The following DYNC1H1 variants were observed in gnomAD, a reference collection of about 807,000 sequenced individuals.
The protein encoded by DYNC1H1 is cytoplasmic dynein 1 heavy chain 1.
DYNC1H1 carries 51 observed loss-of-function variants against 527.1 expected under a neutral mutation model. That is an observed-to-expected ratio of 0.10 (90% confidence interval 0.08 to 0.12). The LOEUF is 0.12. Ranked by LOEUF, DYNC1H1 falls within the 10% of genes least tolerant of loss-of-function variation. DYNC1H1 has a pLI of 1.00. For missense variants in DYNC1H1, 2,771 were observed against 5,971.8 expected (o/e 0.46, Z 17.66); for synonymous variants, 2,189 against 2,278.8 (o/e 0.96, Z 1.12).
intron 34 of DYNC1H1, among the ~76,000 whole-genome samples, chr14:102,014,229 C>T (rs184417313): frequency 1.3e-5 from 2 of 152,256 alleles, no homozygotes; most frequent in East Asian, 1.9e-4. Flanking sequence ...AAGTCACCTG[C>T]GCCATCTTTA....
rs2047639538 is a variant in DYNC1H1, at chr14:101,964,596, G to C, written c.-96G>C. ...TCAGTCTGCGGTGGGCTAGCGGACG[G>C]TCCGGCTTCCGGCGGCCGTTTCTGT... On this transcript the variant is annotated 5_prime_UTR_variant, in exon 1 of 78. Transcript: ENST00000360184. The surrounding 1 kb of genome is among the most constrained non-coding windows in gnomAD (Gnocchi z 5.5). The C allele has an allele frequency of 9.2e-6, 14 of 1,528,392 alleles. No individual in the cohort carries two copies. Among genetic ancestry groups the C allele is most frequent in the Admixed American group, 2.0e-5 (1 of 50,920 alleles). The allele number at this position is 1,528,392 out of a possible 1,614,324, so 94.7% of individuals were successfully genotyped here. A position where few individuals can be genotyped will look rare whatever the true frequency, so the allele number is the denominator to read the frequency against.
chr14:101,987,272 C>T (rs1254550800), intron 8 of DYNC1H1, among the ~76,000 whole-genome samples, 181 bp from the exon 9 acceptor site: 1 of 152,194 alleles, frequency 6.6e-6, no homozygotes, highest in Non-Finnish European at 1.5e-5. Flanking sequence ...ATTTTCCTTT[C>T]CTCTGCAAGG....
In DYNC1H1 at chr14:102,044,354, C is replaced by T. The variant is rs780271275; in HGVS notation, c.12765C>T (p.Arg4255=). ...TGGCCCAGTCCATTTATGGCGGGCG[C>T]GTGGACAACGAGTTTGACCAGCGTC... ...TLMAQSIYGG[R]VDNEFDQRLL... is the part of the protein sequence containing the mutation. The change falls in exon 71 of 78, where the codon CGC becomes CGT. Residue 4255 remains arginine, a synonymous_variant. Transcript: ENST00000360184. This position sits in a 1 kb window ranked among gnomAD's most constrained non-coding sequence, Gnocchi z 7.1. 1.1e-5 allele frequency: 17 copies of T among 1,613,462 alleles called. No homozygotes were observed. In the Admixed American group the frequency reaches 2.5e-4, roughly 24 times the overall value.
At chr14:101,994,056 T>C in intron 11 of DYNC1H1, 128 bp from the exon 12 acceptor site, 1 of 1,331,522 alleles carries the variant, frequency 7.5e-7, no homozygotes, top group Non-Finnish European at 1.1e-6. Flanking sequence ...GGTAAGTGGA[T>C]GTTATCCCTT....
chr14:102,013,673 G>C (rs938797799), intron 34 of DYNC1H1, among the ~76,000 whole-genome samples: 1 of 152,168 alleles, frequency 6.6e-6, no homozygotes, highest in Non-Finnish European at 1.5e-5. Context: ...GGGCAAGCTG[G>C]GATCCATGGA....
Position 101,986,143 on chromosome 14 carries a change from G to T in DYNC1H1, c.1918G>T (p.Asp640Tyr). 6.2e-7 allele frequency: 1 copy of T among 1,614,190 alleles called. No homozygotes were observed. The highest frequency in any genetic ancestry group is 1.1e-5 in the South Asian group (1 of 91,056). ...SQACKMSHVR[D>Y]LPPVSGSIIW... is the part of the protein sequence containing the mutation. Reference sequence around the variant, plus strand: ...GGCTTGTAAGATGAGTCACGTTCGTGACTTGCCCCCTGTGTCAGGGTCTAT... The same window carrying T: ...GGCTTGTAAGATGAGTCACGTTCGTTACTTGCCCCCTGTGTCAGGGTCTAT... Residue 640 changes from aspartate (D) to tyrosine (Y), a missense_variant, in exon 8 of 78, where the codon GAC becomes TAC. Physicochemically the swap from Asp to Tyr is radical, Grantham distance 160. This residue lies in a region of DYNC1H1 where 264 missense variants were observed against 619.4 expected (regional missense o/e 0.43). Coordinates refer to ENST00000360184, the MANE Select transcript of DYNC1H1 (RefSeq NM_001376.5). The surrounding 1 kb of genome is among the most constrained non-coding windows in gnomAD (Gnocchi z 8.7).
intron 16 of DYNC1H1, among the ~76,000 whole-genome samples, chr14:101,998,341 G>A (rs901574106): frequency 2.0e-5 from 3 of 150,724 alleles, no homozygotes; most frequent in Non-Finnish European, 2.9e-5. Context: ...TAATACAAAC[G>A]CCTGGACCCC....
chr14:102,009,858 C>T lies in DYNC1H1; in HGVS notation c.5993C>T (p.Thr1998Ile). The change falls in exon 30 of 78, where the codon ACT (threonine) becomes ATT (isoleucine). Residue 1998 changes from threonine to isoleucine, a missense_variant. Around this residue, in one of 32 missense-constraint regions of DYNC1H1, gnomAD observed 39 missense variants for 38.8 expected, o/e 1.00. Coordinates refer to ENST00000360184, the MANE Select transcript of DYNC1H1 (RefSeq NM_001376.5). ...PNYDKTSAPI[T>I]CELLNKQVKV... Reference sequence around the variant, plus strand: ...TCATTCTCAGCCTCTGCCCCCATTACTTGTGAGCTGCTGAACAAACAAGTC... The same window carrying T: ...TCATTCTCAGCCTCTGCCCCCATTATTTGTGAGCTGCTGAACAAACAAGTC... The T allele has an allele frequency of 6.2e-7, 1 of 1,613,908 alleles. No homozygotes were observed. Among genetic ancestry groups the T allele is most frequent in the African/African-American group, 1.3e-5 (1 of 74,976 alleles).
Position 102,020,572 on chromosome 14 carries a change from C to T in DYNC1H1, c.8507+516C>T, listed in dbSNP as rs1421649335. On this transcript the variant is annotated intron_variant, in intron 42 of 77. Coordinates refer to ENST00000360184, the MANE Select transcript of DYNC1H1 (RefSeq NM_001376.5). The surrounding 1 kb of genome is among the most constrained non-coding windows in gnomAD (Gnocchi z 4.3). ...CATCAAAGGCTTTGCAGCTGCAGCT[C>T]TGGGGCACTGGTTTTCTCTTTTACC... Among the ~76,000 whole-genome samples the T allele has an allele frequency of 6.6e-6, 1 of 152,168 alleles. No homozygotes were observed. The highest frequency in any genetic ancestry group is 1.5e-5 in the Non-Finnish European group (1 of 68,042).
At chr14:102,031,277 A>G (rs1470628176) in intron 51 of DYNC1H1, among the ~76,000 whole-genome samples, 1 of 152,164 alleles carries the variant, frequency 6.6e-6, no homozygotes, top group African/African-American at 2.4e-5. Flanking sequence ...TCTGTCCCCC[A>G]GGCTGGAGTG....
chr14:102,040,486 A>G (rs2048635234), intron 63 of DYNC1H1, 76 bp downstream of exon 63: 1 of 1,612,976 alleles, frequency 6.2e-7, no homozygotes, highest in East Asian at 2.2e-5. Flanking sequence ...TGCATGTGGT[A>G]TAAAACCCAG....
At position 102,042,424 on chromosome 14, in the gene DYNC1H1, C is replaced by T; in HGVS notation, c.12316C>T (p.Leu4106=). 1 of 1,614,170 alleles carries T rather than the reference C, an allele frequency of 6.2e-7. No homozygotes were observed. The highest frequency in any genetic ancestry group is 8.5e-7 in the Non-Finnish European group (1 of 1,180,038). The change falls in exon 68 of 78, where the codon CTG becomes TTG. Residue 4106 remains leucine (L), a synonymous_variant. Transcript: ENST00000360184. The surrounding 1 kb of genome is among the most constrained non-coding windows in gnomAD (Gnocchi z 5.7). The part of the protein sequence containing the change: ...LKNVHLAPGW[L]MQLEKKLHSL... ...GAATGTGCATCTGGCCCCAGGGTGG[C>T]TGATGCAGCTGGAGAAGAAGTTGCA...
Position 101,979,605 on chromosome 14 carries a change from A to T in DYNC1H1, c.518+113A>T. On this transcript the variant is annotated intron_variant, in intron 3 of 77. Transcript: ENST00000360184. This position sits in a 1 kb window ranked among gnomAD's most constrained non-coding sequence, Gnocchi z 4.6. ...AACGCTAGTGAGCCGAGGGGATATA[A>T]ACCCTGTGTATTAATAAATATGTGT... 1 of 1,606,440 alleles carries T rather than the reference A, an allele frequency of 6.2e-7. No homozygotes were observed. The highest frequency in any genetic ancestry group is 1.7e-4 in the Middle Eastern group (1 of 6,012).
At chr14:101,969,119 G>A (rs1275733629) in intron 1 of DYNC1H1, among the ~76,000 whole-genome samples, 1 of 151,630 alleles carries the variant, frequency 6.6e-6, no homozygotes, top group Non-Finnish European at 1.5e-5. Context: ...CCGGGTTCAC[G>A]CCATTCTCCT....
At position 102,015,023 on chromosome 14, in the gene DYNC1H1, T is replaced by G; in HGVS notation, c.7015-82T>G. The G allele has an allele frequency of 1.3e-6, 2 of 1,496,144 alleles. No homozygotes were observed. The highest frequency in any genetic ancestry group is 1.9e-6 in the Non-Finnish European group (2 of 1,076,590). 92.7% of individuals were successfully genotyped at this position (1,496,144 alleles called of 1,614,324 possible). On this transcript the variant is annotated intron_variant, in intron 34 of 77. Coordinates refer to ENST00000360184, the MANE Select transcript of DYNC1H1 (RefSeq NM_001376.5). This position sits in a 1 kb window ranked among gnomAD's most constrained non-coding sequence, Gnocchi z 6.9. ...ATTAAGTTTAAAGTCACCCTTTCAG[T>G]GTATATATAGGTAAAAGAATCTTAA...
rs1567024975 is a variant in DYNC1H1, at chr14:102,047,631, G to GTGTGTA, written c.13007-181_13007-180insATGTGT. 327 of 401,864 alleles carry GTGTGTA rather than the reference G, an allele frequency of 8.1e-4. 5 individuals are homozygous for GTGTGTA. The highest frequency in any genetic ancestry group is 7.1e-3 in the African/African-American group (189 of 26,524). 24.9% of individuals were successfully genotyped at this position (401,864 alleles called of 1,614,324 possible). On this transcript the variant is annotated intron_variant, in intron 72 of 77. Transcript: ENST00000360184. The stretch of plus-strand genomic sequence containing the variant: ...TATGTATATATACACGTGTGTGTGT[G>GTGTGTA]TGTGTGTGTGTATATATATATATAT...
rs1309844207 is a variant in DYNC1H1, at chr14:102,010,838, C to T, written c.6504C>T (p.Val2168=). 13 of 1,614,214 alleles carry T rather than the reference C, an allele frequency of 8.1e-6. No homozygotes were observed. The East Asian group carries it at 2.5e-4, about 30-fold the overall frequency. Residue 2168 remains valine (V), a synonymous_variant, in exon 32 of 78, where the codon GTC becomes GTT. Transcript: ENST00000360184. The surrounding 1 kb of genome is among the most constrained non-coding windows in gnomAD (Gnocchi z 6.0). ...FSLLSDVFPG[V]QYHRGEMTAL... is the part of the protein sequence containing the mutation. ...TCCTGTCGGACGTGTTCCCTGGAGT[C>T]CAGTATCACAGGGGTGAGATGACTG...
intron 27 of DYNC1H1, 36 bp downstream of exon 27, chr14:102,006,206 T>C: frequency 6.2e-7 from 1 of 1,608,520 alleles, no homozygotes. Flanking sequence ...GATGGAATCA[T>C]ATATTAAAAT....
At position 102,015,312 on chromosome 14, in the gene DYNC1H1, G is replaced by A. The variant is rs945555313; in HGVS notation, c.7222G>A (p.Ala2408Thr). 6.2e-7 allele frequency: 1 copy of A among 1,613,278 alleles called. No homozygotes were observed. The highest frequency in any genetic ancestry group is 8.5e-7 in the Non-Finnish European group (1 of 1,179,462). The change falls in exon 35 of 78, where the codon GCC (alanine) becomes ACC (threonine). Residue 2408 changes from alanine (A) to threonine (T), a missense_variant. Transcript: ENST00000360184. This position sits in a 1 kb window ranked among gnomAD's most constrained non-coding sequence, Gnocchi z 6.9. Reference protein sequence around the residue: ...RKGKEDEGEEAASPMLQIQRD... With the variant: ...RKGKEDEGEETASPMLQIQRD... ...GGGCAAAGAGGATGAGGGGGAGGAG[G>A]CCGCTTCCCCCATGCTGCAGGTACG...
Sources: gnomAD v4.1 joint callset for allele counts (sites outside exome capture counted in the v4.1 genomes callset) on GRCh38, gnomAD v4.1.1 for gene constraint, gnomAD v4.1.1 regional missense constraint, Gnocchi (gnomAD v3.1) non-coding constraint, MANE v1.5 for transcripts, NCBI Gene and HGNC (gene_info 2026-07-23, HGNC 2026-07-21) for gene names.